SNED1: variants seen among roughly 807,000 people sequenced by gnomAD.
SNED1 encodes the protein sushi, nidogen and EGF like domains 1, also known as sushi, nidogen and EGF-like domain-containing protein 1.
A neutral mutation model predicts 166.7 loss-of-function variants in SNED1; 81 were observed. The ratio of observed to expected loss-of-function variants is 0.49; its 90% CI spans 0.41 to 0.58. The LOEUF (loss-of-function observed/expected upper bound fraction) is 0.58, where lower values mean the gene tolerates loss of function less well. Among genes scored for constraint, SNED1 ranks in the 20% least tolerant of loss-of-function variants. The pLI, the probability that SNED1 is intolerant of heterozygous loss-of-function variation, is 0.00. For missense variants in SNED1, 1,604 were observed against 2,000.2 expected (o/e 0.80, Z 3.78); for synonymous variants, 762 against 822.0 (o/e 0.93, Z 1.25).
At chr2:241,083,432 T>A (rs1397327341) in intron 29 of SNED1, among the ~76,000 whole-genome samples, 1 of 152,138 alleles carries the variant, frequency 6.6e-6, no homozygotes, top group Non-Finnish European at 1.5e-5. Context: ...AAGAGTGACA[T>A]GTTCGATTAC....
rs960428972 is a variant in SNED1 at position 241,092,145 on chromosome 2, G to A, written c.*509G>A. 4 of 152,344 alleles carry A rather than the reference G, an allele frequency of 2.6e-5. No homozygotes were observed. Among genetic ancestry groups the A allele is most frequent in the African/African-American group, 9.6e-5 (4 of 41,464 alleles). 9.4% of individuals were successfully genotyped at this position (152,344 alleles called of 1,614,324 possible). A position where few individuals can be genotyped will look rare whatever the true frequency, so the allele number is the denominator to read the frequency against. ...GGGCAGAGACCAGGTGATGTCAGAAGGAAAGCCGGGTTGCAGACACAGCCG... is the reference window on the plus strand; with the variant it reads ...GGGCAGAGACCAGGTGATGTCAGAAAGAAAGCCGGGTTGCAGACACAGCCG... On this transcript the variant is annotated 3_prime_UTR_variant, in exon 32 of 32. Transcript: ENST00000310397. This position sits in a 1 kb window ranked among gnomAD's most constrained non-coding sequence, Gnocchi z 4.6.
chr2:241,083,342 G>A (rs147323728), intron 29 of SNED1, among the ~76,000 whole-genome samples: 30 of 152,162 alleles, frequency 2.0e-4, no homozygotes, highest in Non-Finnish European at 3.7e-4. Flanking sequence ...GGGAACCCTC[G>A]GGGCCATGGA....
rs1401921287 is a variant in SNED1 at position 241,092,439 on chromosome 2, G to A, written c.*803G>A. ...AAACTTATTTACAATAACAGGTGGT[G>A]GCCAAATTGGCCCATGGGCCTTATT... is the stretch of plus-strand genomic sequence containing the variant. On this transcript the variant is annotated 3_prime_UTR_variant, in exon 32 of 32. Transcript: ENST00000310397. The surrounding 1 kb of genome is among the most constrained non-coding windows in gnomAD (Gnocchi z 4.6). The A allele has an allele frequency of 2.6e-5, 4 of 152,168 alleles. No individual in the cohort carries two copies. Among genetic ancestry groups the A allele is most frequent in the African/African-American group, 7.2e-5 (3 of 41,436 alleles). 9.4% of individuals were successfully genotyped at this position (152,168 alleles called of 1,614,324 possible).
At chr2:241,019,301 T>C (rs2060696896) in intron 1 of SNED1, among the ~76,000 whole-genome samples, 1 of 152,098 alleles carries the variant, frequency 6.6e-6, no homozygotes, top group African/African-American at 2.4e-5. Context: ...ATGGGAGGGA[T>C]CCTGGAATAT....
At chr2:240,997,984 G>A (rs1439589352), upstream of SNED1, among the ~76,000 whole-genome samples, 6 of 152,336 alleles carry the variant, frequency 3.9e-5, no homozygotes, top group East Asian at 9.6e-4. Flanking sequence ...TGCCAAGGCC[G>A]GTGTCATGCA....
At chr2:241,065,228 C>T (rs867819817) in intron 20 of SNED1, 71 bp from the exon 21 acceptor site, 16 of 1,528,342 alleles carry the variant, frequency 1.0e-5, no homozygotes, top group Middle Eastern at 1.7e-4. Flanking sequence ...GCTGAGCCGC[C>T]GACGGGAGCC....
intron 15 of SNED1, 65 bp downstream of exon 15, chr2:241,052,533 A>AG (rs749587646): frequency 0.011 from 12,482 of 1,179,388 alleles, 461 homozygotes; most frequent in African/African-American, 0.059. Context: ...TGAGATGGCC[A>AG]GGGCCCAAGC....
rs2124884828 is a variant in SNED1, at chr2:241,018,134, T to G, written c.214-12150T>G. Among the ~76,000 whole-genome samples, 1 of 152,326 alleles carries G rather than the reference T, an allele frequency of 6.6e-6. No individual in the cohort carries two copies. The highest frequency in any genetic ancestry group is 2.4e-5 in the African/African-American group (1 of 41,574). ...AGTAGCTCTGTCTGAGAACCGCCAT[T>G]CGCCTTGCCGTGGTCCCTGCTGTGC... On this transcript the variant is annotated intron_variant, in intron 1 of 31. Transcript: ENST00000310397. This position sits in a 1 kb window ranked among gnomAD's most constrained non-coding sequence, Gnocchi z 5.4.
intron 29 of SNED1, among the ~76,000 whole-genome samples, chr2:241,082,829 T>G (rs2063393777): frequency 6.6e-6 from 1 of 152,234 alleles, no homozygotes; most frequent in African/African-American, 2.4e-5. Flanking sequence ...AGCCCATCTC[T>G]TAGGTCCTTT....
In SNED1 at chr2:241,028,299, C is replaced by A. The variant is rs1332855857; in HGVS notation, c.214-1985C>A. Among the ~76,000 whole-genome samples the A allele has an allele frequency of 7.9e-5, 12 of 152,156 alleles. No individual in the cohort carries two copies. The East Asian group carries it at 2.1e-3, about 27-fold the overall frequency. ...GGAAAATTTTTAATTTTCATGAAGT[C>A]CGATTTGTCTGTTTTTTCTTTTGTT... On this transcript the variant is annotated intron_variant, in intron 1 of 31. Transcript: ENST00000310397.
At chr2:241,047,146 C>CA (rs59981303) in intron 8 of SNED1, among the ~76,000 whole-genome samples, 1,966 of 67,650 alleles carry the variant, frequency 0.029, 47 homozygotes, top group Middle Eastern at 0.034. Context: ...GAGACTCTGT[C>CA]AAAAAAAAAA....
rs926900573 is a variant in SNED1 at position 241,068,757 on chromosome 2, C to G, written c.3195-154C>G. Among the ~76,000 whole-genome samples the G allele has an allele frequency of 6.6e-6, 1 of 152,178 alleles. No individual in the cohort carries two copies. The highest frequency in any genetic ancestry group is 2.4e-5 in the African/African-American group (1 of 41,440). The stretch of plus-strand genomic sequence containing the variant: ...CCTAGGAGCACACGGCTCTGAGGGC[C>G]ATGAGTCTGCCCCTCGTGGAGGTTG... On this transcript the variant is annotated intron_variant, in intron 22 of 31. Transcript: ENST00000310397. This position sits in a 1 kb window ranked among gnomAD's most constrained non-coding sequence, Gnocchi z 5.3.
At chr2:241,007,391 G>A (rs2060250202) in intron 1 of SNED1, among the ~76,000 whole-genome samples, 1 of 152,230 alleles carries the variant, frequency 6.6e-6, no homozygotes, top group African/African-American at 2.4e-5. Flanking sequence ...CGTTCCTTCA[G>A]TCCAAAACCT....
Position 241,054,529 on chromosome 2 carries a change from CTG to C in SNED1, c.2257+1205_2257+1206del, listed in dbSNP as rs200613979. ...GCTGCAGTGAGCCATGAGCCTGCCACTGTACTCCAGCCTGGGTAGCAGAGCAA... is the reference window on the plus strand; with the variant it reads ...GCTGCAGTGAGCCATGAGCCTGCCACTACTCCAGCCTGGGTAGCAGAGCAA... On this transcript the variant is annotated intron_variant, in intron 16 of 31. Coordinates refer to ENST00000310397, the MANE Select transcript of SNED1 (RefSeq NM_001080437.3). 7.6e-4 allele frequency among the ~76,000 whole-genome samples: 115 copies of C among 152,252 alleles called. No homozygotes were observed. The East Asian group carries it at 0.02, about 26-fold the overall frequency.
At chr2:241,045,609 A>C (rs1425033235) in intron 8 of SNED1, among the ~76,000 whole-genome samples, 14 of 152,050 alleles carry the variant, frequency 9.2e-5, no homozygotes, top group Admixed American at 2.6e-4. Context: ...ATAAAAAAAA[A>C]ACCTCAACTT....
Position 241,030,084 on chromosome 2 carries a change from C to T in SNED1, c.214-200C>T, listed in dbSNP as rs570215021. Among the ~76,000 whole-genome samples the T allele has an allele frequency of 2.9e-4, 44 of 152,370 alleles. No homozygotes were observed. In the South Asian group the frequency reaches 9.1e-3, roughly 32 times the overall value. The stretch of plus-strand genomic sequence containing the variant: ...GGTCAGAGCCTGTGCCCTGAGCACA[C>T]AGCATGACAGGAGGGGGTGGAGCAG... On this transcript the variant is annotated intron_variant, in intron 1 of 31. Coordinates refer to ENST00000310397, the MANE Select transcript of SNED1 (RefSeq NM_001080437.3).
intron 1 of SNED1, among the ~76,000 whole-genome samples, chr2:241,017,839 G>A (rs543409163): frequency 3.9e-5 from 6 of 152,224 alleles, no homozygotes; most frequent in Non-Finnish European, 7.3e-5. Flanking sequence ...CCAGGATGCA[G>A]CCTAAGGCCT....
At chr2:241,023,792 T>C (rs1265709317) in intron 1 of SNED1, among the ~76,000 whole-genome samples, 1 of 152,198 alleles carries the variant, frequency 6.6e-6, no homozygotes, top group Non-Finnish European at 1.5e-5. Flanking sequence ...GATAATAATG[T>C]GATTATACCA....
chr2:241,023,860 A>G (rs1281586752), intron 1 of SNED1, among the ~76,000 whole-genome samples: 1 of 82,854 alleles, frequency 1.2e-5, no homozygotes, highest in Non-Finnish European at 2.6e-5. Context: ...CATTTAATTT[A>G]TTTTCTCTCT....
Sources: allele counts gnomAD v4.1 joint callset (sites outside exome capture counted in the v4.1 genomes callset), GRCh38; gene constraint gnomAD v4.1.1; non-coding constraint Gnocchi (gnomAD v3.1); transcripts MANE v1.5; gene names NCBI Gene and HGNC (gene_info 2026-07-23, HGNC 2026-07-21).